PI4KA: variants seen among roughly 807,000 people sequenced by gnomAD.
PI4KA encodes the protein PI4-kinase alpha.
A neutral mutation model predicts 271.4 loss-of-function variants in PI4KA; 122 were observed. The observed-to-expected ratio is 0.45, with a 90% CI of 0.39 to 0.52. PI4KA has a LOEUF of 0.52. PI4KA is among the 20% of genes least tolerant of loss of function. The pLI is 0.00. For missense variants in PI4KA, 1,969 were observed against 2,769.1 expected (o/e 0.71, Z 6.48); for synonymous variants, 1,041 against 1,078.8 (o/e 0.96, Z 0.69).
In PI4KA at chr22:20,818,470, A is replaced by G; in HGVS notation, c.856+13T>C. 1 of 1,574,972 alleles carries G rather than the reference A, an allele frequency of 6.3e-7. No homozygotes were observed. Among genetic ancestry groups the G allele is most frequent in the Non-Finnish European group, 8.6e-7 (1 of 1,162,490 alleles). ...TATTACGTCAAAATATTCTTCGGAA[A>G]GGTGAAGCCCACCTTCAAAGTAGTG... On this transcript the variant is annotated intron_variant, in intron 7 of 54. Coordinates refer to ENST00000255882, the MANE Select transcript of PI4KA (RefSeq NM_058004.4).
intron 2 of PI4KA, among the ~76,000 whole-genome samples, chr22:20,837,427 T>G (rs1925005586): frequency 6.6e-6 from 1 of 152,194 alleles, no homozygotes; most frequent in South Asian, 2.1e-4. Flanking sequence ...ATGTATCTAA[T>G]TTTGGTTTTT....
chr22:20,759,505 G>C (rs5760417), intron 23 of PI4KA, among the ~76,000 whole-genome samples: 1 of 144,388 alleles, frequency 6.9e-6, no homozygotes, highest in African/African-American at 2.6e-5. Flanking sequence ...CCAGGTTCAA[G>C]CAATTCTCCT....
At chr22:20,754,642 ATTCT>A (rs1331380818) in intron 23 of PI4KA, among the ~76,000 whole-genome samples, 2 of 152,112 alleles carry the variant, frequency 1.3e-5, no homozygotes, top group African/African-American at 2.4e-5. Context: ...ATTTCCCTCA[ATTCT>A]TTCTACTTTT....
At chr22:20,735,724 G>A (rs1282963796) in intron 32 of PI4KA, among the ~76,000 whole-genome samples, 5 of 152,242 alleles carry the variant, frequency 3.3e-5, no homozygotes, top group Non-Finnish European at 7.3e-5. Context: ...GCCAGGAGCC[G>A]ACGGGAGCCC....
intron 7 of PI4KA, among the ~76,000 whole-genome samples, chr22:20,814,851 T>C (rs1380411806): frequency 6.6e-6 from 1 of 151,868 alleles, no homozygotes; most frequent in Non-Finnish European, 1.5e-5. Flanking sequence ...TTCAGTCATT[T>C]GACATTTAAT....
chr22:20,717,511 C>T (rs1226604143), intron 45 of PI4KA, among the ~76,000 whole-genome samples, 197 bp downstream of exon 45: 1 of 152,298 alleles, frequency 6.6e-6, no homozygotes, highest in African/African-American at 2.4e-5. Context: ...TGACGAGCAG[C>T]TCCCGCTCAC....
chr22:20,778,264 G>A (rs1933459772), intron 19 of PI4KA, among the ~76,000 whole-genome samples: 1 of 152,122 alleles, frequency 6.6e-6, no homozygotes, highest in African/African-American at 2.4e-5. Flanking sequence ...ACTTTGGGGG[G>A]CTGAGGTGGG....
intron 3 of PI4KA, among the ~76,000 whole-genome samples, chr22:20,825,002 G>A (rs1017866853): frequency 5.3e-5 from 7 of 132,050 alleles, no homozygotes; most frequent in African/African-American, 1.7e-4. Context: ...GCCAGGAAGT[G>A]GAGGTTCCAG....
At chr22:20,858,527 G>T in intron 1 of PI4KA, 43 bp downstream of exon 1, 1 of 1,300,270 alleles carries the variant, frequency 7.7e-7, no homozygotes, top group Non-Finnish European at 9.9e-7. Flanking sequence ...CGTCACCCCA[G>T]CCCCTCCTCC....
chr22:20,808,879 G>T (rs1257610086), intron 9 of PI4KA, among the ~76,000 whole-genome samples: 1 of 152,032 alleles, frequency 6.6e-6, no homozygotes, highest in Non-Finnish European at 1.5e-5. Context: ...AAAGTGGTCT[G>T]CAAATATAGC....
chr22:20,791,053 G>A (rs74490684), intron 19 of PI4KA, among the ~76,000 whole-genome samples: 1 of 152,194 alleles, frequency 6.6e-6, no homozygotes, highest in East Asian at 1.9e-4. Context: ...GTAGGACCAG[G>A]AGTCCAACCT....
intron 19 of PI4KA, among the ~76,000 whole-genome samples, chr22:20,786,397 C>T (rs938219991): frequency 3.9e-5 from 6 of 152,202 alleles, no homozygotes; most frequent in African/African-American, 1.4e-4. Flanking sequence ...GCCCCACTCC[C>T]GCTGACACCA....
chr22:20,846,567 GCA>G (rs1449401284), intron 1 of PI4KA, among the ~76,000 whole-genome samples: 1 of 152,032 alleles, frequency 6.6e-6, no homozygotes, highest in African/African-American at 2.4e-5. Flanking sequence ...TAGCTGTCAG[GCA>G]CAGTGGCCCA....
intron 3 of PI4KA, among the ~76,000 whole-genome samples, chr22:20,827,831 G>A (rs769771442): frequency 1.1e-4 from 17 of 152,108 alleles, no homozygotes; most frequent in Non-Finnish European, 1.8e-4. Context: ...GTCTCACTCT[G>A]TCGCCCAGGC....
chr22:20,756,039 A>G (rs927315005), intron 23 of PI4KA, among the ~76,000 whole-genome samples: 2 of 152,072 alleles, frequency 1.3e-5, no homozygotes, highest in African/African-American at 2.4e-5. Flanking sequence ...TGAGACATAA[A>G]GAGGCCTTTC....
chr22:20,725,927 A>T (rs1193213959), intron 42 of PI4KA: 1 of 153,884 alleles, frequency 6.5e-6, no homozygotes, highest in African/African-American at 2.4e-5. Context: ...AAAAAAAAAA[A>T]AGCCAGGGAG....
chr22:20,840,198 C>T lies in PI4KA; in HGVS notation c.157-1467G>A, dbSNP rs117946855. On this transcript the variant is annotated intron_variant, in intron 1 of 54. Coordinates refer to ENST00000255882, the MANE Select transcript of PI4KA (RefSeq NM_058004.4). ...CATCATTATTTCTCCAACAATAGTG[C>T]CTGAAAGACAACTTTTGATAATGTG... 3.3e-4 allele frequency among the ~76,000 whole-genome samples: 51 copies of T among 152,304 alleles called. 1 individual carries two copies. In the East Asian group the frequency reaches 8.5e-3, roughly 25 times the overall value.
chr22:20,846,196 A>T (rs1338740809), intron 1 of PI4KA, among the ~76,000 whole-genome samples: 1 of 147,494 alleles, frequency 6.8e-6, no homozygotes, highest in Non-Finnish European at 1.5e-5. Flanking sequence ...CCCGGGAGGC[A>T]GAGCTTGCAG....
chr22:20,765,374 C>T, intron 20 of PI4KA, 138 bp from the exon 21 acceptor site: 10 of 957,080 alleles, frequency 1.0e-5, no homozygotes, highest in Non-Finnish European at 1.4e-5. Context: ...AGTCTGTTAC[C>T]TGACTTGGAC....
Sources: allele counts gnomAD v4.1 joint callset (sites outside exome capture counted in the v4.1 genomes callset), GRCh38; gene constraint gnomAD v4.1.1; transcripts MANE v1.5; gene names NCBI Gene and HGNC (gene_info 2026-07-23, HGNC 2026-07-21).